The following PTPRG variants were observed in gnomAD, a reference collection of about 807,000 sequenced individuals.
PTPRG encodes the protein receptor-type tyrosine-protein phosphatase gamma.
A neutral mutation model predicts 165.3 loss-of-function variants in PTPRG; 102 were observed. That is an observed-to-expected ratio of 0.62 (90% confidence interval 0.53 to 0.73). The LOEUF is 0.73. Ranked by LOEUF, PTPRG falls within the 30% of genes least tolerant of loss-of-function variation. PTPRG has a pLI of 0.00. For missense variants in PTPRG, 1,866 were observed against 1,861.4 expected (o/e 1.00, Z -0.05); for synonymous variants, 675 against 669.5 (o/e 1.01, Z -0.13).
At chr3:62,100,515 T>A in intron 5 of PTPRG, among the ~76,000 whole-genome samples, 1 of 152,136 alleles carries the variant, frequency 6.6e-6, no homozygotes, top group East Asian at 1.9e-4. Flanking sequence ...CACCATGGAT[T>A]TGGCATCCCT....
In PTPRG at chr3:62,130,132, T is replaced by G. The variant is rs946174822; in HGVS notation, c.616-2470T>G. Among the ~76,000 whole-genome samples, 3 of 152,190 alleles carry G rather than the reference T, an allele frequency of 2.0e-5. No homozygotes were observed. In the East Asian group the frequency reaches 5.8e-4, roughly 29 times the overall value. On this transcript the variant is annotated intron_variant, in intron 5 of 29. Transcript: ENST00000474889. ...GTATGGCTAGTTCAGCCCATCTCTGTGGACTGCAGATGGTTCCACTGAGGC... is the reference window on the plus strand; with the variant it reads ...GTATGGCTAGTTCAGCCCATCTCTGGGGACTGCAGATGGTTCCACTGAGGC...
chr3:61,679,159 T>C (rs1175698962), intron 1 of PTPRG, among the ~76,000 whole-genome samples: 1 of 152,106 alleles, frequency 6.6e-6, no homozygotes, highest in Non-Finnish European at 1.5e-5. Context: ...ACATACAAAC[T>C]CCCAAATGAT....
intron 1 of PTPRG, among the ~76,000 whole-genome samples, chr3:61,608,159 T>C (rs1559522037): frequency 7.0e-6 from 1 of 141,924 alleles, no homozygotes; most frequent in Non-Finnish European, 1.6e-5. Flanking sequence ...TTTGATGCCT[T>C]GTCAGCATCC....
intron 4 of PTPRG, among the ~76,000 whole-genome samples, chr3:62,068,619 G>A (rs1378055210): frequency 6.6e-6 from 1 of 152,156 alleles, no homozygotes; most frequent in Admixed American, 6.5e-5. Context: ...AGAACTACTG[G>A]TCTATGCTAT....
At chr3:61,843,815 A>G (rs1412280541) in intron 2 of PTPRG, among the ~76,000 whole-genome samples, 1 of 151,694 alleles carries the variant, frequency 6.6e-6, no homozygotes, top group Admixed American at 6.6e-5. Flanking sequence ...TTAAAACTGG[A>G]CATTTCTTTA....
intron 1 of PTPRG, among the ~76,000 whole-genome samples, chr3:61,634,971 G>A (rs1701867835): frequency 6.6e-6 from 1 of 152,154 alleles, no homozygotes; most frequent in South Asian, 2.1e-4. Flanking sequence ...GATTGCATTC[G>A]TTTGCCCTGC....
rs190519214 is a variant in PTPRG at position 62,277,107 on chromosome 3, A to G, written c.3636+59A>G. The G allele has an allele frequency of 2.8e-3, 3,616 of 1,288,136 alleles. 9 individuals are homozygous for G. Among genetic ancestry groups the G allele is most frequent in the Middle Eastern group, 8.7e-3 (47 of 5,380 alleles). 79.8% of individuals were successfully genotyped at this position (1,288,136 alleles called of 1,614,324 possible). A position where few individuals can be genotyped will look rare whatever the true frequency, so the allele number is the denominator to read the frequency against. On this transcript the variant is annotated intron_variant, in intron 25 of 29. Transcript: ENST00000474889. The stretch of plus-strand genomic sequence containing the variant: ...ACTAAACTGAAAGGTGTTAAAGAGC[A>G]GATACCACCTGTGTGACTGATGTCA...
intron 1 of PTPRG, among the ~76,000 whole-genome samples, chr3:61,731,245 A>G (rs752739967): frequency 1.5e-4 from 23 of 152,158 alleles, no homozygotes; most frequent in Non-Finnish European, 3.1e-4. Context: ...TGGGATAGGT[A>G]GAGAATTGAA....
intron 4 of PTPRG, among the ~76,000 whole-genome samples, chr3:62,070,732 A>T (rs1472306631): frequency 6.6e-6 from 1 of 152,200 alleles, no homozygotes; most frequent in East Asian, 1.9e-4. Context: ...CATGTCATCA[A>T]AAAAGCAGAA....
intron 5 of PTPRG, among the ~76,000 whole-genome samples, chr3:62,079,106 C>T (rs1701486118): frequency 6.6e-6 from 1 of 152,256 alleles, no homozygotes; most frequent in Non-Finnish European, 1.5e-5. Flanking sequence ...TAAGAGCCTT[C>T]TCCAACACGT....
chr3:61,735,121 A>G (rs1431802701), intron 1 of PTPRG, among the ~76,000 whole-genome samples: 2 of 152,228 alleles, frequency 1.3e-5, no homozygotes, highest in African/African-American at 4.8e-5. Context: ...TTTTCCTCAT[A>G]TAATTAATTT....
intron 2 of PTPRG, among the ~76,000 whole-genome samples, chr3:61,782,173 C>CT (rs1362774196): frequency 1.3e-5 from 2 of 152,182 alleles, no homozygotes; most frequent in Admixed American, 1.3e-4. Context: ...TCCACTGTGA[C>CT]TTTGAGACCT....
At chr3:61,667,962 T>TG (rs1559548122) in intron 1 of PTPRG, among the ~76,000 whole-genome samples, 1 of 151,994 alleles carries the variant, frequency 6.6e-6, no homozygotes, top group Non-Finnish European at 1.5e-5. Context: ...GGTGTAGGGG[T>TG]GGGAAAAAAG....
intron 5 of PTPRG, chr3:62,124,752 G>T: frequency 2.0e-6 from 1 of 499,220 alleles, no homozygotes; most frequent in East Asian, 3.6e-5. Context: ...CTTTTCTAGA[G>T]ATGTTGTGTT....
chr3:61,869,309 G>A (rs762581115), intron 2 of PTPRG, among the ~76,000 whole-genome samples: 8 of 152,136 alleles, frequency 5.3e-5, no homozygotes, highest in Non-Finnish European at 8.8e-5. Context: ...GCCCTCTTTT[G>A]TAAGAAGTAC....
chr3:61,866,574 T>C (rs1245102573), intron 2 of PTPRG, among the ~76,000 whole-genome samples: 2 of 144,536 alleles, frequency 1.4e-5, no homozygotes, highest in East Asian at 4.4e-4. Flanking sequence ...GCTTTGGAAC[T>C]GTTTGCTCTT....
rs1702140583 is a variant in PTPRG, at chr3:62,273,503, C to G, written c.3319-195C>G. Among the ~76,000 whole-genome samples the G allele has an allele frequency of 6.6e-6, 1 of 152,134 alleles. No homozygotes were observed. The highest frequency in any genetic ancestry group is 2.4e-5 in the African/African-American group (1 of 41,442). On this transcript the variant is annotated intron_variant, in intron 22 of 29. Coordinates refer to ENST00000474889, the MANE Select transcript of PTPRG (RefSeq NM_002841.4). The surrounding 1 kb of genome is among the most constrained non-coding windows in gnomAD (Gnocchi z 4.1). Reference sequence around the variant, plus strand: ...GCACAGTATAGAATACAGAGCTAAACTTAACACAGTCTCTACCGTAAAATA... The same window carrying G: ...GCACAGTATAGAATACAGAGCTAAAGTTAACACAGTCTCTACCGTAAAATA...
intron 7 of PTPRG, 82 bp from the exon 8 acceptor site, chr3:62,167,889 T>C: frequency 1.4e-6 from 2 of 1,409,216 alleles, no homozygotes; most frequent in Non-Finnish European, 9.9e-7. Flanking sequence ...TCACCTGCTT[T>C]GGACCAAATA....
At chr3:62,109,174 C>A (rs1576012954) in intron 5 of PTPRG, among the ~76,000 whole-genome samples, 1 of 152,018 alleles carries the variant, frequency 6.6e-6, no homozygotes, top group Admixed American at 6.6e-5. Context: ...TTTTATGGTC[C>A]TAGGTCTTAC....
Sources: allele counts gnomAD v4.1 joint callset (sites outside exome capture counted in the v4.1 genomes callset), GRCh38; gene constraint gnomAD v4.1.1; non-coding constraint Gnocchi (gnomAD v3.1); transcripts MANE v1.5; gene names NCBI Gene and HGNC (gene_info 2026-07-23, HGNC 2026-07-21).